The following EPB41L1 variants were observed in gnomAD, a reference collection of about 807,000 sequenced individuals.
EPB41L1 encodes band 4.1-like protein 1.
In EPB41L1, 29 loss-of-function variants were observed where a neutral mutation model predicts 97.8. The ratio of observed to expected loss-of-function variants is 0.30; its 90% confidence interval spans 0.22 to 0.40. The LOEUF (loss-of-function observed/expected upper bound fraction) is 0.40, where lower values mean the gene tolerates loss of function less well. Ranked by LOEUF, EPB41L1 falls within the 10% of genes least tolerant of loss-of-function variation. The pLI is 1.00. For missense variants in EPB41L1, 812 were observed against 1,162.3 expected (o/e 0.70, Z 4.38); for synonymous variants, 383 against 459.2 (o/e 0.83, Z 2.12).
Position 36,182,221 on chromosome 20 carries a change from C to A in EPB41L1, c.491-51C>A, listed in dbSNP as rs766489794. 15 of 1,551,252 alleles carry A rather than the reference C, an allele frequency of 9.7e-6. 1 individual carries two copies. Among genetic ancestry groups the A allele is most frequent in the Non-Finnish European group, 1.3e-5 (15 of 1,123,054 alleles). On this transcript the variant is annotated intron_variant, in intron 5 of 21. Transcript: ENST00000338074. Reference sequence around the variant, plus strand: ...TGCCCAGAGGATGGTGCATCTGGACCACCCAGTGGGGTGTTAGGGCCTCGC... The same window carrying A: ...TGCCCAGAGGATGGTGCATCTGGACAACCCAGTGGGGTGTTAGGGCCTCGC...
intron 5 of EPB41L1, among the ~76,000 whole-genome samples, chr20:36,181,212 G>A (rs2061459202): frequency 6.6e-6 from 1 of 152,186 alleles, no homozygotes; most frequent in Non-Finnish European, 1.5e-5. Flanking sequence ...CACTTTGTCA[G>A]GGGCCATTTT....
chr20:36,125,596 G>A lies in EPB41L1; in HGVS notation c.-10+13116G>A, dbSNP rs2058932273. 6 of 1,519,432 alleles carry A rather than the reference G, an allele frequency of 3.9e-6. No homozygotes were observed. The Admixed American group carries it at 1.0e-4, about 25-fold the overall frequency. 94.1% of individuals were successfully genotyped at this position (1,519,432 alleles called of 1,614,324 possible). On this transcript the variant is annotated intron_variant, in intron 2 of 19. Coordinates refer to the EPB41L1 transcript ENST00000202028. Reference sequence around the variant, plus strand: ...TAGATTGAACCACAAGTGCACAGAGGCATGAAACACTTTGGAGTGGCAGGA... The same window carrying A: ...TAGATTGAACCACAAGTGCACAGAGACATGAAACACTTTGGAGTGGCAGGA...
chr20:36,155,462 G>A, intron 1 of EPB41L1: 1 of 395,490 alleles, frequency 2.5e-6, no homozygotes, highest in Admixed American at 2.8e-5. Context: ...ACCGTCCCCT[G>A]ATCAGAGGGA....
chr20:36,168,905 G>A (rs1224691054), intron 1 of EPB41L1, among the ~76,000 whole-genome samples: 1 of 151,982 alleles, frequency 6.6e-6, no homozygotes, highest in Non-Finnish European at 1.5e-5. Flanking sequence ...ATCCTGAGAG[G>A]GAGGGAGGAG....
chr20:36,116,579 A>G (rs2058590947), intron 2 of EPB41L1, among the ~76,000 whole-genome samples: 1 of 152,172 alleles, frequency 6.6e-6, no homozygotes, highest in Non-Finnish European at 1.5e-5. Flanking sequence ...GAATGGCAGG[A>G]AAAATGGTCC....
At chr20:36,192,234 A>T (rs1372167484) in intron 11 of EPB41L1, among the ~76,000 whole-genome samples, 1 of 151,970 alleles carries the variant, frequency 6.6e-6, no homozygotes, top group Non-Finnish European at 1.5e-5. Flanking sequence ...AAAAATAAAA[A>T]AAATAAAAAA....
intron 1 of EPB41L1, among the ~76,000 whole-genome samples, chr20:36,165,492 A>G (rs545214265): frequency 1.3e-5 from 2 of 152,040 alleles, no homozygotes; most frequent in South Asian, 4.2e-4. Flanking sequence ...TGAGGTCAGG[A>G]GTTCAAGACC....
chr20:36,163,417 G>A (rs951762948), intron 1 of EPB41L1, among the ~76,000 whole-genome samples: 1 of 152,176 alleles, frequency 6.6e-6, no homozygotes, highest in East Asian at 1.9e-4. Flanking sequence ...CTTTACAGAT[G>A]AAGAAACTGA....
chr20:36,178,881 A>G (rs907692481), intron 5 of EPB41L1, among the ~76,000 whole-genome samples: 4 of 151,824 alleles, frequency 2.6e-5, no homozygotes, highest in Non-Finnish European at 5.9e-5. Context: ...ACATGGGAAA[A>G]GCCTGTCCCT....
At chr20:36,203,620 G>A (rs1361991141) in intron 14 of EPB41L1, among the ~76,000 whole-genome samples, 1 of 152,216 alleles carries the variant, frequency 6.6e-6, no homozygotes, top group Non-Finnish European at 1.5e-5. Context: ...GAAGGAACCT[G>A]CTTCTCAAGG....
intron 1 of EPB41L1, among the ~76,000 whole-genome samples, chr20:36,170,664 A>G (rs1641510921): frequency 6.6e-6 from 1 of 152,046 alleles, no homozygotes; most frequent in Non-Finnish European, 1.5e-5. Context: ...AGTACAGTGG[A>G]GAGAAGGCAG....
At chr20:36,108,328 A>G (rs1406034869) in intron 1 of EPB41L1, among the ~76,000 whole-genome samples, 1 of 152,098 alleles carries the variant, frequency 6.6e-6, no homozygotes, top group African/African-American at 2.4e-5. Flanking sequence ...ATATTGGGTT[A>G]AATGAATATA....
rs889188705 is a variant in EPB41L1, at chr20:36,190,449, T to C, written c.1124+75T>C. 1.5e-5 allele frequency: 23 copies of C among 1,549,858 alleles called. No individual in the cohort carries two copies. The highest frequency in any genetic ancestry group is 1.9e-5 in the Non-Finnish European group (22 of 1,131,402). ...TATGGAGGGGAGCAGGGGGAGGAGT[T>C]AGTGAGAACTCTAGGAAAGTCCTCC... On this transcript the variant is annotated intron_variant, in intron 10 of 21. Coordinates refer to ENST00000338074, the MANE Select transcript of EPB41L1 (RefSeq NM_012156.2). This position sits in a 1 kb window ranked among gnomAD's most constrained non-coding sequence, Gnocchi z 5.8.
At chr20:36,216,909 A>T (rs2063479483) in intron 17 of EPB41L1, among the ~76,000 whole-genome samples, 2 of 152,194 alleles carry the variant, frequency 1.3e-5, no homozygotes, top group Admixed American at 1.3e-4. Context: ...GACAAGAGGA[A>T]AGATGAGCTC....
chr20:36,094,078 C>T (rs1363756382), intron 1 of EPB41L1, among the ~76,000 whole-genome samples: 1 of 152,214 alleles, frequency 6.6e-6, no homozygotes, highest in African/African-American at 2.4e-5. Context: ...AGTACTGGTG[C>T]ATACAGGCAT....
intron 14 of EPB41L1, among the ~76,000 whole-genome samples, chr20:36,201,885 T>C (rs1394206767): frequency 1.3e-5 from 2 of 152,232 alleles, no homozygotes; most frequent in Non-Finnish European, 2.9e-5. Flanking sequence ...TGTTGATGTA[T>C]GCTCTCCTCT....
chr20:36,173,745 C>T lies in EPB41L1; in HGVS notation c.-14-19C>T. 1 of 1,612,394 alleles carries T rather than the reference C, an allele frequency of 6.2e-7. No homozygotes were observed. The highest frequency in any genetic ancestry group is 8.5e-7 in the Non-Finnish European group (1 of 1,178,374). The stretch of plus-strand genomic sequence containing the variant: ...TTGCTGTCCCTCCCTGTCACATGAT[C>T]TCCTTCATGCCAATGCAGGCGTGCT... On this transcript the variant is annotated intron_variant, in intron 1 of 21. Coordinates refer to ENST00000338074, the MANE Select transcript of EPB41L1 (RefSeq NM_012156.2).
At position 36,194,265 on chromosome 20, in the gene EPB41L1, G is replaced by A. The variant is rs201056002; in HGVS notation, c.1354G>A (p.Gly452Ser). The A allele has an allele frequency of 2.8e-5, 46 of 1,614,172 alleles. No homozygotes were observed. The highest frequency in any genetic ancestry group is 1.2e-4 in the Admixed American group (7 of 60,020). Reference sequence around the variant, plus strand: ...CGAGAACCATGATGCAGGGCCTGACGGTGACAAGCGGGATGAGGATGGCGA... The same window carrying A: ...CGAGAACCATGATGCAGGGCCTGACAGTGACAAGCGGGATGAGGATGGCGA... ...VSENHDAGPD[G>S]DKRDEDGESG... Residue 452 changes from glycine to serine, a missense_variant, in exon 12 of 22, where the codon GGT becomes AGT. Transcript: ENST00000338074.
intron 2 of EPB41L1, among the ~76,000 whole-genome samples, chr20:36,135,601 G>C (rs1340012309): frequency 6.6e-6 from 1 of 152,186 alleles, no homozygotes. Flanking sequence ...CTAGCCTGTG[G>C]GCTTTCACCT....
Sources: gnomAD v4.1 joint callset for allele counts (sites outside exome capture counted in the v4.1 genomes callset) on GRCh38, gnomAD v4.1.1 for gene constraint, Gnocchi (gnomAD v3.1) non-coding constraint, MANE v1.5 for transcripts, NCBI Gene and HGNC (gene_info 2026-07-23, HGNC 2026-07-21) for gene names.